NLGN1: variants seen among roughly 807,000 people sequenced by gnomAD.
The protein encoded by NLGN1 is neuroligin 1, also known as neuroligin-1.
A neutral mutation model predicts 65.5 loss-of-function variants in NLGN1; 12 were observed. That is an observed-to-expected ratio of 0.18 (90% CI 0.12 to 0.30). NLGN1 has a LOEUF of 0.30. Among genes scored for constraint, NLGN1 ranks in the 10% least tolerant of loss-of-function variants. The pLI, the probability that NLGN1 is intolerant of heterozygous loss-of-function variation, is 1.00. For missense variants in NLGN1, 750 were observed against 1,007.1 expected (o/e 0.74, Z 3.46); for synonymous variants, 350 against 359.5 (o/e 0.97, Z 0.30).
chr3:174,159,465 A>AAAT (rs1367203062), intron 4 of NLGN1, among the ~76,000 whole-genome samples: 1 of 151,838 alleles, frequency 6.6e-6, no homozygotes, highest in East Asian at 1.9e-4. Context: ...AAATTTTATA[A>AAAT]AATACAATTT....
At chr3:174,146,322 C>A (rs1312356084) in intron 4 of NLGN1, among the ~76,000 whole-genome samples, 1 of 152,026 alleles carries the variant, frequency 6.6e-6, no homozygotes, top group African/African-American at 2.4e-5. Flanking sequence ...TTTAAAGAAG[C>A]ATTGTTAGGC....
chr3:173,571,377 C>G (rs905426072), intron 2 of NLGN1, among the ~76,000 whole-genome samples: 4 of 152,114 alleles, frequency 2.6e-5, no homozygotes, highest in African/African-American at 9.7e-5. Flanking sequence ...ACGCTGAAAG[C>G]TGTCTCTAGG....
intron 2 of NLGN1, among the ~76,000 whole-genome samples, chr3:173,441,953 TTAA>T (rs1326865199): frequency 6.6e-6 from 1 of 152,226 alleles, no homozygotes; most frequent in East Asian, 1.9e-4. Context: ...GCCTTCTGTA[TTAA>T]TCTAATTTTA....
chr3:174,009,505 A>T (rs1221489407), intron 4 of NLGN1, among the ~76,000 whole-genome samples: 1 of 152,158 alleles, frequency 6.6e-6, no homozygotes, highest in African/African-American at 2.4e-5. Context: ...AAAGAAAAAA[A>T]GGCTTAGAGA....
At chr3:174,215,489 G>A (rs772504896) in intron 4 of NLGN1, among the ~76,000 whole-genome samples, 1 of 152,114 alleles carries the variant, frequency 6.6e-6, no homozygotes, top group Non-Finnish European at 1.5e-5. Context: ...TGAAACTTTA[G>A]GGACTATTTG....
At chr3:173,658,514 T>C (rs1760425326) in intron 3 of NLGN1, among the ~76,000 whole-genome samples, 1 of 152,040 alleles carries the variant, frequency 6.6e-6, no homozygotes, top group Admixed American at 6.6e-5. Context: ...ATGACTACTG[T>C]AAAATTAATT....
At chr3:173,443,271 G>T (rs1719542875) in intron 2 of NLGN1, among the ~76,000 whole-genome samples, 1 of 148,304 alleles carries the variant, frequency 6.7e-6, no homozygotes, top group Non-Finnish European at 1.5e-5. Flanking sequence ...TAAAAAAATT[G>T]CCCAATTTTT....
At chr3:173,539,504 TATGTATGTAC>T (rs962361569) in intron 2 of NLGN1, among the ~76,000 whole-genome samples, 1 of 143,914 alleles carries the variant, frequency 6.9e-6, no homozygotes, top group African/African-American at 2.6e-5. Context: ...TGTATATGTA[TATGTATGTAC>T]ATGTATATGT....
chr3:173,909,382 G>A (rs1327310685), intron 4 of NLGN1, among the ~76,000 whole-genome samples: 1 of 152,082 alleles, frequency 6.6e-6, no homozygotes, highest in African/African-American at 2.4e-5. Flanking sequence ...CCAAACAGAA[G>A]CATCTCATCC....
intron 4 of NLGN1, among the ~76,000 whole-genome samples, chr3:174,230,588 G>A (rs1740530879): frequency 6.6e-6 from 1 of 152,082 alleles, no homozygotes; most frequent in Non-Finnish European, 1.5e-5. Context: ...ATTCACCTTG[G>A]CATTATGTGT....
intron 3 of NLGN1, among the ~76,000 whole-genome samples, chr3:173,719,026 C>T (rs1280462828): frequency 6.6e-6 from 1 of 152,136 alleles, no homozygotes; most frequent in Admixed American, 6.6e-5. Context: ...GTAAATCAGA[C>T]TGACATGGAG....
intron 3 of NLGN1, among the ~76,000 whole-genome samples, chr3:173,735,608 T>C (rs1169875732): frequency 6.6e-6 from 1 of 151,946 alleles, no homozygotes; most frequent in Admixed American, 6.6e-5. Flanking sequence ...CCAACTCTTC[T>C]GTCTCAAATC....
At chr3:173,620,955 T>C (rs1038550441) in intron 3 of NLGN1, among the ~76,000 whole-genome samples, 14 of 152,104 alleles carry the variant, frequency 9.2e-5, no homozygotes, top group Admixed American at 6.6e-5. Flanking sequence ...ACTAGACAAA[T>C]GAACATAAGT....
intron 4 of NLGN1, among the ~76,000 whole-genome samples, chr3:174,112,213 T>C (rs1396092672): frequency 6.6e-6 from 1 of 151,896 alleles, no homozygotes; most frequent in African/African-American, 2.4e-5. Flanking sequence ...GGAGTTTATA[T>C]ATGAAACTTT....
At chr3:173,659,799 G>A (rs1760653708) in intron 3 of NLGN1, among the ~76,000 whole-genome samples, 1 of 151,570 alleles carries the variant, frequency 6.6e-6, no homozygotes, top group African/African-American at 2.4e-5. Context: ...GGGGGTGGTG[G>A]TTTCTTCACT....
chr3:173,528,790 G>T lies in NLGN1; in HGVS notation c.-320-75489G>T, dbSNP rs140860252. On this transcript the variant is annotated intron_variant, in intron 2 of 6. Transcript: ENST00000457714. ...TTAAGTGGATTTTTCATTTCCAAAC[G>T]TTCTGTTTGTTTTTGTTTTTAAGAC... 4.6e-5 allele frequency among the ~76,000 whole-genome samples: 7 copies of T among 152,040 alleles called. No individual in the cohort carries two copies. In the South Asian group the frequency reaches 1.4e-3, roughly 31 times the overall value.
At chr3:174,235,818 G>GT (rs1453733995) in intron 4 of NLGN1, among the ~76,000 whole-genome samples, 3 of 152,216 alleles carry the variant, frequency 2.0e-5, no homozygotes, top group African/African-American at 7.2e-5. Flanking sequence ...CAAATTCCCA[G>GT]TAAGTTTGAG....
intron 4 of NLGN1, among the ~76,000 whole-genome samples, chr3:174,016,257 A>G (rs291920): frequency 0.048 from 7,341 of 152,260 alleles, 281 homozygotes; most frequent in Middle Eastern, 0.099. Flanking sequence ...TGAGCATCAG[A>G]GAAACTTTTG....
chr3:173,984,678 C>A (rs146810455), intron 4 of NLGN1, among the ~76,000 whole-genome samples: 59 of 152,214 alleles, frequency 3.9e-4, no homozygotes, highest in African/African-American at 1.4e-3. Context: ...AAGTAGTATT[C>A]CACAAAATTC....
Sources: gnomAD v4.1 joint callset for allele counts (sites outside exome capture counted in the v4.1 genomes callset) on GRCh38, gnomAD v4.1.1 for gene constraint, MANE v1.5 for transcripts, NCBI Gene and HGNC (gene_info 2026-07-23, HGNC 2026-07-21) for gene names.